The following UNC79 variants were observed in gnomAD, a reference collection of about 807,000 sequenced individuals.
UNC79 encodes the protein protein unc-79 homolog.
In UNC79, 37 loss-of-function variants were observed where a neutral mutation model predicts 283.1. The observed-to-expected ratio is 0.13, with a 90% CI of 0.10 to 0.17. The LOEUF is 0.17. UNC79 is among the 10% of genes least tolerant of loss of function. The probability of loss-of-function intolerance (pLI) is 1.00; values close to 1 mark genes in which losing one functional copy is unlikely to be tolerated. For synonymous variants in UNC79, 1,107 were observed against 1,200.2 expected, an observed-to-expected ratio of 0.92 and a Z score of 1.61; for missense variants, 2,272 against 3,211.1, an observed-to-expected ratio of 0.71 and a Z score of 7.07.
At chr14:93,600,314 A>G (rs1231455646) in intron 24 of UNC79, among the ~76,000 whole-genome samples, 1 of 152,244 alleles carries the variant, frequency 6.6e-6, no homozygotes, top group African/African-American at 2.4e-5. Flanking sequence ...AACCAATAGC[A>G]TGCATTTAGT....
At chr14:93,546,827 T>G (rs1214271033) in intron 14 of UNC79, among the ~76,000 whole-genome samples, 2 of 152,136 alleles carry the variant, frequency 1.3e-5, no homozygotes, top group Admixed American at 1.3e-4. Context: ...CTCATTCCAG[T>G]GGTATGATCT....
Position 93,690,347 on chromosome 14 carries a change from C to A in UNC79, c.7272+44C>A, listed in dbSNP as rs778147404. 1 of 1,571,924 alleles carries A rather than the reference C, an allele frequency of 6.4e-7. No homozygotes were observed. The highest frequency in any genetic ancestry group is 1.2e-5 in the South Asian group (1 of 84,758). ...ATTAAGACCGTATGCATCGCAATTG[C>A]TAATGGAAACCTTATCAGCCAATTA... On this transcript the variant is annotated intron_variant, in intron 45 of 48. Transcript: ENST00000555664. This position sits in a 1 kb window ranked among gnomAD's most constrained non-coding sequence, Gnocchi z 4.3.
At chr14:93,335,935 TTA>T (rs2053569843) in intron 1 of UNC79, among the ~76,000 whole-genome samples, 1 of 152,188 alleles carries the variant, frequency 6.6e-6, no homozygotes, top group African/African-American at 2.4e-5. Context: ...AGTCCTGAAT[TTA>T]TGTTTTGTTC....
chr14:93,540,525 C>T, intron 12 of UNC79, 135 bp from the exon 13 acceptor site: 1 of 910,886 alleles, frequency 1.1e-6, no homozygotes, highest in Non-Finnish European at 1.6e-6. Context: ...CTCAGTAACT[C>T]AGTAACACAG....
chr14:93,644,376 A>G (rs1432190856), intron 34 of UNC79, among the ~76,000 whole-genome samples: 1 of 152,236 alleles, frequency 6.6e-6, no homozygotes, highest in African/African-American at 2.4e-5. Context: ...TGCACAACTT[A>G]TAGGAGAGGG....
chr14:93,617,060 C>G lies in UNC79; in HGVS notation c.4042-62C>G, dbSNP rs911052619. ...ACCACTGGGATGGCTCAAATTTTTC[C>G]TTTTGACCTCTGAGTGTTCTTTGTA... On this transcript the variant is annotated intron_variant, in intron 27 of 48. Transcript: ENST00000555664. The surrounding 1 kb of genome is among the most constrained non-coding windows in gnomAD (Gnocchi z 4.5). The G allele has an allele frequency of 2.7e-6, 4 of 1,473,168 alleles. No homozygotes were observed. The African/African-American group carries it at 5.6e-5, about 21-fold the overall frequency. The allele number at this position is 1,473,168 out of a possible 1,614,324, so 91.3% of individuals were successfully genotyped here. A position where few individuals can be genotyped will look rare whatever the true frequency, so the allele number is the denominator to read the frequency against.
chr14:93,620,844 G>A, intron 29 of UNC79, 48 bp from the exon 31 acceptor site: 1 of 486,500 alleles, frequency 2.1e-6, no homozygotes, highest in South Asian at 1.5e-5. Flanking sequence ...CACAGCCTAA[G>A]AGAGAATAAC....
chr14:93,385,084 G>T (rs2054742121), intron 1 of UNC79, among the ~76,000 whole-genome samples: 2 of 152,248 alleles, frequency 1.3e-5, no homozygotes, highest in Non-Finnish European at 1.5e-5. Context: ...GGTTACTATA[G>T]CTCTGTAGTG....
chr14:93,597,689 G>A (rs898439135), intron 24 of UNC79, 149 bp downstream of exon 24: 41 of 968,296 alleles, frequency 4.2e-5, no homozygotes, highest in African/African-American at 8.3e-5. Context: ...AATTTATTTC[G>A]CAGATTGTCT....
intron 32 of UNC79, among the ~76,000 whole-genome samples, chr14:93,639,089 G>T (rs2068779156): frequency 6.6e-6 from 1 of 152,168 alleles, no homozygotes; most frequent in African/African-American, 2.4e-5. Context: ...GTTTGAAACT[G>T]CCAGAATGAC....
chr14:93,347,936 C>T (rs2053898437), intron 1 of UNC79: 1 of 771,966 alleles, frequency 1.3e-6, no homozygotes, highest in Admixed American at 1.9e-5. Context: ...GGTCTAGGTG[C>T]TCAAAATGTT....
intron 9 of UNC79, 147 bp from the exon 10 acceptor site, chr14:93,529,139 C>G: frequency 1.4e-6 from 1 of 697,202 alleles, no homozygotes; most frequent in Non-Finnish European, 2.4e-6. Flanking sequence ...ATGCATTAGA[C>G]ATTTTAAGAG....
At position 93,508,109 on chromosome 14, in the gene UNC79, A is replaced by G. The variant is rs184723277; in HGVS notation, c.898+10823A>G. ...TTGAAATCAGATAGTTCAAATCTCT[A>G]TATTTGTTCTTTTTCTTTGACTACT... On this transcript the variant is annotated intron_variant, in intron 7 of 48. Coordinates refer to ENST00000555664, the Ensembl canonical transcript of UNC79. 1.9e-3 allele frequency among the ~76,000 whole-genome samples: 290 copies of G among 151,090 alleles called. 2 individuals carry two copies. The highest frequency in any genetic ancestry group is 6.6e-3 in the African/African-American group (273 of 41,078).
chr14:93,377,235 G>A (rs1052546732), intron 1 of UNC79, among the ~76,000 whole-genome samples: 3 of 151,450 alleles, frequency 2.0e-5, no homozygotes, highest in East Asian at 2.0e-4. Context: ...GACTACAGGC[G>A]CCCGCCACCA....
At chr14:93,500,177 T>C (rs1487973879) in intron 7 of UNC79, among the ~76,000 whole-genome samples, 1 of 152,160 alleles carries the variant, frequency 6.6e-6, no homozygotes, top group Non-Finnish European at 1.5e-5. Context: ...CCCGTGGCCA[T>C]TGCCCCGAGA....
chr14:93,348,244 G>A (rs2053910048), intron 1 of UNC79: 1 of 638,684 alleles, frequency 1.6e-6, no homozygotes, highest in Non-Finnish European at 2.8e-6. Context: ...CTTTCCTCAT[G>A]TTTATGATGA....
chr14:93,532,419 A>C, intron 10 of UNC79, 131 bp from the exon 11 acceptor site: 2 of 1,053,178 alleles, frequency 1.9e-6, no homozygotes, highest in Admixed American at 2.5e-5. Context: ...GTGGTGGGCT[A>C]TGATGGTGCC....
At chr14:93,672,323 T>C (rs1035530470) in intron 40 of UNC79, among the ~76,000 whole-genome samples, 35 of 152,188 alleles carry the variant, frequency 2.3e-4, no homozygotes. Context: ...AAATGTGGCA[T>C]GTATACATAA....
chr14:93,654,112 A>G lies in UNC79; in HGVS notation c.6282+87A>G, dbSNP rs2070636492. On this transcript the variant is annotated intron_variant, in intron 37 of 48. Transcript: ENST00000555664. ...GGGCTGTGTTTCTTTGAGTCACACCATAGGATACTGCTGAGGAAGGATTGC... is the reference window on the plus strand; with the variant it reads ...GGGCTGTGTTTCTTTGAGTCACACCGTAGGATACTGCTGAGGAAGGATTGC... 9.5e-6 allele frequency: 10 copies of G among 1,055,446 alleles called. No homozygotes were observed. The South Asian group carries it at 1.1e-4, about 12-fold the overall frequency. 65.4% of individuals were successfully genotyped at this position (1,055,446 alleles called of 1,614,324 possible).
Sources: gnomAD v4.1 joint callset for allele counts (sites outside exome capture counted in the v4.1 genomes callset) on GRCh38, gnomAD v4.1.1 for gene constraint, Gnocchi (gnomAD v3.1) non-coding constraint, MANE v1.5 for transcripts, NCBI Gene and HGNC (gene_info 2026-07-23, HGNC 2026-07-21) for gene names.